HEYL: variants seen among roughly 807,000 people sequenced by gnomAD.
HEYL encodes hes related family bHLH transcription factor with YRPW motif like, also known as hairy/enhancer-of-split related with YRPW motif-like protein.
In HEYL, 12 loss-of-function variants were observed where a neutral mutation model predicts 18.6. The ratio of observed to expected loss-of-function variants is 0.65; its 90% CI spans 0.41 to 1.05. The LOEUF (loss-of-function observed/expected upper bound fraction) is 1.05. HEYL is among the 50% of genes least tolerant of loss of function. The pLI is 0.00. For missense variants in HEYL, 420 were observed against 444.7 expected (o/e 0.94, Z 0.50); for synonymous variants, 159 against 179.6 (o/e 0.89, Z 0.91).
rs988578140 is a variant in HEYL, at chr1:39,623,464, G to A, written c.*3043C>T. On this transcript the variant is annotated 3_prime_UTR_variant, in exon 5 of 5. Transcript: ENST00000372852. The stretch of plus-strand genomic sequence containing the variant: ...CTTCTTCAACAAGTATTTATTGAAC[G>A]CCAACTATGGACCAGGCCCTGTGCT... Among the ~76,000 whole-genome samples, 1 of 152,234 alleles carries A rather than the reference G, an allele frequency of 6.6e-6. No individual in the cohort carries two copies.
At chr1:39,628,846 C>T (rs1237328587) in intron 4 of HEYL, among the ~76,000 whole-genome samples, 2 of 152,184 alleles carry the variant, frequency 1.3e-5, no homozygotes, top group Admixed American at 6.5e-5. Context: ...TTGTGATCCG[C>T]CTGTTTCGGC....
At chr1:39,632,813 AAGG>A in intron 1 of HEYL, 98 bp from the exon 2 acceptor site, 1 of 1,562,442 alleles carries the variant, frequency 6.4e-7, no homozygotes, top group Non-Finnish European at 8.6e-7. Context: ...CTGGGCCTAG[AAGG>A]AGCAGCTTGC....
intron 1 of HEYL, among the ~76,000 whole-genome samples, chr1:39,637,440 C>T (rs1465285006): frequency 6.6e-6 from 1 of 152,344 alleles, no homozygotes; most frequent in African/African-American, 2.4e-5. Context: ...ACATGAAGCT[C>T]TTCTTCCCTG....
chr1:39,626,858 G>A lies in HEYL; in HGVS notation c.636C>T (p.Tyr212=). The change falls in exon 5 of 5, where the codon TAC becomes TAT. Residue 212 remains tyrosine, a synonymous_variant. Transcript: ENST00000372852. ...PVLPGVSSPA[Y]PIPALRTAPL... is the part of the protein sequence containing the mutation. ...GAGCGGTTCGGAGGGCTGGGATGGG[G>A]TAAGCAGGAGAGGAGACACCGGGGA... 1 of 1,587,752 alleles carries A rather than the reference G, an allele frequency of 6.3e-7. No individual in the cohort carries two copies. The highest frequency in any genetic ancestry group is 8.6e-7 in the Non-Finnish European group (1 of 1,166,604).
intron 4 of HEYL, among the ~76,000 whole-genome samples, chr1:39,629,479 G>A (rs1044505228): frequency 2.0e-5 from 3 of 152,182 alleles, no homozygotes; most frequent in Non-Finnish European, 1.5e-5. Flanking sequence ...GCCCCAAGGT[G>A]ACAATGGTAT....
At chr1:39,635,450 G>T (rs763205200) in intron 1 of HEYL, among the ~76,000 whole-genome samples, 12 of 152,212 alleles carry the variant, frequency 7.9e-5, no homozygotes, top group African/African-American at 2.9e-4. Context: ...GGAGGCTGAC[G>T]CACCCATTTC....
intron 1 of HEYL, among the ~76,000 whole-genome samples, chr1:39,635,788 G>A (rs754730521): frequency 3.3e-5 from 5 of 152,010 alleles, no homozygotes; most frequent in Non-Finnish European, 5.9e-5. Flanking sequence ...ATAGCCCTCC[G>A]GTCCCCTTAT....
chr1:39,626,836 C>CG lies in HEYL; in HGVS notation c.657dup (p.Ala220ArgfsTer102). On this transcript the variant is annotated frameshift_variant, in exon 5 of 5. Transcript: ENST00000372852. LOFTEE classifies it low-confidence loss of function (END_TRUNC). Reference sequence around the variant, plus strand: ...ATGCCTGTGGCTCTGCGAAGGGGAGCGGTTCGGAGGGCTGGGATGGGGTAA... The same window carrying CG: ...ATGCCTGTGGCTCTGCGAAGGGGAGCGGGTTCGGAGGGCTGGGATGGGGTAA... The CG allele has an allele frequency of 6.4e-7, 1 of 1,572,642 alleles. No individual in the cohort carries two copies. Among genetic ancestry groups the CG allele is most frequent in the Non-Finnish European group, 8.6e-7 (1 of 1,158,738 alleles).
In HEYL at chr1:39,623,552, C is replaced by A. The variant is rs901182943; in HGVS notation, c.*2955G>T. Among the ~76,000 whole-genome samples, 1 of 152,212 alleles carries A rather than the reference C, an allele frequency of 6.6e-6. No individual in the cohort carries two copies. Among genetic ancestry groups the A allele is most frequent in the Non-Finnish European group, 1.5e-5 (1 of 68,040 alleles). ...GCACCTGGCCTCATGAGCTTACACT[C>A]GAGTGGGAGGCACAGTCAACCAACA... On this transcript the variant is annotated 3_prime_UTR_variant, in exon 5 of 5. Coordinates refer to ENST00000372852, the MANE Select transcript of HEYL (RefSeq NM_014571.4).
In HEYL at chr1:39,630,083, A is replaced by G. The variant is rs1267063321; in HGVS notation, c.313+144T>C. On this transcript the variant is annotated intron_variant, in intron 4 of 4. Coordinates refer to ENST00000372852, the MANE Select transcript of HEYL (RefSeq NM_014571.4). ...GGAGAGGGAGATGCTGAAAGGAGAG[A>G]GAGAAGCTTTGCAAATGTTCCCTCC... is the stretch of plus-strand genomic sequence containing the variant. 10 of 693,198 alleles carry G rather than the reference A, an allele frequency of 1.4e-5. No individual in the cohort carries two copies. In the Admixed American group the frequency reaches 2.2e-4, roughly 15 times the overall value. 42.9% of individuals were successfully genotyped at this position (693,198 alleles called of 1,614,324 possible). A position where few individuals can be genotyped will look rare whatever the true frequency, so the allele number is the denominator to read the frequency against.
At chr1:39,637,162 T>A (rs1646365679) in intron 1 of HEYL, among the ~76,000 whole-genome samples, 1 of 152,148 alleles carries the variant, frequency 6.6e-6, no homozygotes, top group African/African-American at 2.4e-5. Flanking sequence ...CAGGTGCTCA[T>A]TAGATGTTTG....
intron 4 of HEYL, among the ~76,000 whole-genome samples, chr1:39,628,483 T>C (rs1646312576): frequency 6.6e-6 from 1 of 152,214 alleles, no homozygotes; most frequent in Non-Finnish European, 1.5e-5. Flanking sequence ...TTCACCATGT[T>C]GGCCAGGTTG....
chr1:39,638,115 A>G (rs556445456), intron 1 of HEYL, among the ~76,000 whole-genome samples: 1 of 152,340 alleles, frequency 6.6e-6, no homozygotes, highest in South Asian at 2.1e-4. Flanking sequence ...TTTCTGCTAA[A>G]CAATTAAGAA....
chr1:39,632,442 C>T (rs1310296543), intron 2 of HEYL, among the ~76,000 whole-genome samples: 1 of 152,224 alleles, frequency 6.6e-6, no homozygotes, highest in Non-Finnish European at 1.5e-5. Flanking sequence ...TCTCATTATT[C>T]CAGTTACACA....
At chr1:39,635,257 T>A (rs1646356437) in intron 1 of HEYL, among the ~76,000 whole-genome samples, 1 of 152,180 alleles carries the variant, frequency 6.6e-6, no homozygotes, top group African/African-American at 2.4e-5. Flanking sequence ...GATCTTGAGA[T>A]CTATGGGGCA....
intron 2 of HEYL, among the ~76,000 whole-genome samples, chr1:39,632,032 A>C (rs1646336361): frequency 6.6e-6 from 1 of 152,216 alleles, no homozygotes; most frequent in Non-Finnish European, 1.5e-5. Context: ...CTTCCCTCCA[A>C]TACTGGTAGC....
In HEYL at chr1:39,627,140, G is replaced by C. The variant is rs754649134; in HGVS notation, c.354C>G (p.Ser118Arg). The C allele has an allele frequency of 1.1e-5, 18 of 1,613,430 alleles. No homozygotes were observed. Among genetic ancestry groups the C allele is most frequent in the Non-Finnish European group, 1.5e-5 (18 of 1,179,456 alleles). The change falls in exon 5 of 5, where the codon AGC becomes AGG. Residue 118 changes from serine to arginine, a missense_variant. Ser to Arg is a moderately radical substitution (Grantham distance 110). Coordinates refer to ENST00000372852, the MANE Select transcript of HEYL (RefSeq NM_014571.4). Reference protein sequence around the residue: ...DARALAVDFRSIGFRECLTEV... With the variant: ...DARALAVDFRRIGFRECLTEV... Reference sequence around the variant, plus strand: ...CAGTGAGGCACTCCCGAAAACCAATGCTCCGGAAGTCAACTGCCAGGGCTC... The same window carrying C: ...CAGTGAGGCACTCCCGAAAACCAATCCTCCGGAAGTCAACTGCCAGGGCTC...
At position 39,626,842 on chromosome 1, in the gene HEYL, G is replaced by T; in HGVS notation, c.652C>A (p.Arg218=). The T allele has an allele frequency of 6.3e-7, 1 of 1,577,768 alleles. No individual in the cohort carries two copies. Among genetic ancestry groups the T allele is most frequent in the East Asian group, 2.3e-5 (1 of 43,204 alleles). ...GTGGCTCTGCGAAGGGGAGCGGTTC[G>T]GAGGGCTGGGATGGGGTAAGCAGGA... ...SSPAYPIPAL[R]TAPLRRATGI... is the part of the protein sequence containing the mutation. The change falls in exon 5 of 5, where the codon CGA becomes AGA. Residue 218 remains arginine, a synonymous_variant. Transcript: ENST00000372852.
At chr1:39,633,049 CCGG>C in intron 1 of HEYL, 4 of 975,224 alleles carry the variant, frequency 4.1e-6, no homozygotes, top group Non-Finnish European at 3.7e-6. Flanking sequence ...AGGGCACTGG[CCGG>C]CGGCGGCGGG....
Sources: allele counts gnomAD v4.1 joint callset (sites outside exome capture counted in the v4.1 genomes callset), GRCh38; gene constraint gnomAD v4.1.1; transcripts MANE v1.5; gene names NCBI Gene and HGNC (gene_info 2026-07-23, HGNC 2026-07-21).